SMU1: variants seen among roughly 807,000 people sequenced by gnomAD.
SMU1 encodes WD40 repeat-containing protein SMU1.
SMU1 carries 2 observed loss-of-function variants against 62.0 expected under a neutral mutation model. The ratio of observed to expected loss-of-function variants is 0.03; its 90% CI spans 0.01 to 0.10. The LOEUF (loss-of-function observed/expected upper bound fraction) is 0.10. SMU1 is among the 10% of genes least tolerant of loss of function. The pLI is 1.00. For synonymous variants in SMU1, 188 were observed against 212.4 expected (o/e 0.89, Z 1.00); for missense variants, 227 against 622.1 (o/e 0.36, Z 6.76).
chr9:33,061,540 G>A (rs1839361132), intron 5 of SMU1, among the ~76,000 whole-genome samples: 1 of 151,840 alleles, frequency 6.6e-6, no homozygotes, highest in South Asian at 2.1e-4. Flanking sequence ...GAATTACCTA[G>A]AACACTTTTT....
chr9:33,070,950 A>G (rs923978897), intron 3 of SMU1, among the ~76,000 whole-genome samples: 2 of 152,202 alleles, frequency 1.3e-5, no homozygotes, highest in Non-Finnish European at 2.9e-5. Context: ...AATAAGAAAT[A>G]GTATTTGATA....
intron 4 of SMU1, among the ~76,000 whole-genome samples, chr9:33,064,940 G>C (rs1028831060): frequency 6.6e-6 from 1 of 151,906 alleles, no homozygotes. Context: ...ACAAGGTTTC[G>C]CCACGTTGGC....
Position 33,053,309 on chromosome 9 carries a change from A to C in SMU1, c.1123-19T>G. The C allele has an allele frequency of 6.2e-7, 1 of 1,609,052 alleles. No homozygotes were observed. Among genetic ancestry groups the C allele is most frequent in the South Asian group, 1.1e-5 (1 of 90,200 alleles). On this transcript the variant is annotated intron_variant, in intron 9 of 11. Coordinates refer to ENST00000397149, the MANE Select transcript of SMU1 (RefSeq NM_018225.3). ...TCCAGATCTACCACACAGAAATTTA[A>C]GTTATAAACCTTTTTTAGGTATAAA...
intron 10 of SMU1, among the ~76,000 whole-genome samples, chr9:33,049,494 T>G (rs1406254655): frequency 6.6e-6 from 1 of 152,184 alleles, no homozygotes; most frequent in Admixed American, 6.5e-5. Context: ...TATTTAAAAC[T>G]CTTAGAGGAT....
At chr9:33,053,927 T>C (rs1216330978) in intron 9 of SMU1, among the ~76,000 whole-genome samples, 1 of 152,228 alleles carries the variant, frequency 6.6e-6, no homozygotes, top group Non-Finnish European at 1.5e-5. Flanking sequence ...TCTTTAAAAT[T>C]AGTTGTTTGT....
chr9:33,046,586 A>G lies in SMU1; in HGVS notation c.*707T>C, dbSNP rs968451149. 1 of 70,886 alleles carries G rather than the reference A, an allele frequency of 1.4e-5. No individual in the cohort carries two copies. Among genetic ancestry groups the G allele is most frequent in the African/African-American group, 4.3e-5 (1 of 23,012 alleles). 4.4% of individuals were successfully genotyped at this position (70,886 alleles called of 1,614,324 possible). A position where few individuals can be genotyped will look rare whatever the true frequency, so the allele number is the denominator to read the frequency against. On this transcript the variant is annotated 3_prime_UTR_variant, in exon 12 of 12. Transcript: ENST00000397149. ...GTATAAAGTTTATTAACATCTTTAA[A>G]AAAAAAAAAAAAAAAAAAGATGGGC... is the stretch of plus-strand genomic sequence containing the variant.
intron 4 of SMU1, among the ~76,000 whole-genome samples, chr9:33,064,945 G>A (rs994706739): frequency 3.3e-5 from 5 of 152,056 alleles, no homozygotes; most frequent in African/African-American, 7.2e-5. Flanking sequence ...GTTTCGCCAC[G>A]TTGGCCAGGC....
intron 9 of SMU1, among the ~76,000 whole-genome samples, chr9:33,054,107 C>T (rs1048254612): frequency 2.0e-5 from 3 of 151,934 alleles, no homozygotes; most frequent in Admixed American, 6.5e-5. Context: ...CAATATAGTG[C>T]GATCTTGTCT....
intron 3 of SMU1, among the ~76,000 whole-genome samples, chr9:33,069,182 ACT>A (rs1380758138): frequency 6.6e-6 from 1 of 152,146 alleles, no homozygotes; most frequent in Non-Finnish European, 1.5e-5. Context: ...TTATTTTTTC[ACT>A]GAGTTCCTGG....
intron 4 of SMU1, among the ~76,000 whole-genome samples, chr9:33,065,848 T>C (rs1012330021): frequency 1.3e-5 from 2 of 152,168 alleles, no homozygotes; most frequent in African/African-American, 2.4e-5. Context: ...AAAATCTCAG[T>C]AGAGCTGAGG....
In SMU1 at chr9:33,047,167, T is replaced by C. The variant is rs1478473731; in HGVS notation, c.*126A>G. On this transcript the variant is annotated 3_prime_UTR_variant, in exon 12 of 12. Transcript: ENST00000397149. Reference sequence around the variant, plus strand: ...ACTTAAACATGAATTTTCACAAAATTATTCTGTGACTAATTCAGACAATCT... The same window carrying C: ...ACTTAAACATGAATTTTCACAAAATCATTCTGTGACTAATTCAGACAATCT... The C allele has an allele frequency of 1.7e-6, 1 of 601,600 alleles. No individual in the cohort carries two copies. The highest frequency in any genetic ancestry group is 3.0e-5 in the East Asian group (1 of 33,622). The allele number at this position is 601,600 out of a possible 1,614,324, so 37.3% of individuals were successfully genotyped here. A position where few individuals can be genotyped will look rare whatever the true frequency, so the allele number is the denominator to read the frequency against.
intron 9 of SMU1, 130 bp from the exon 10 acceptor site, chr9:33,053,420 A>G: frequency 3.3e-6 from 3 of 920,114 alleles, no homozygotes; most frequent in African/African-American, 1.7e-5. Context: ...TTCTTACTTG[A>G]TTTTAGGTCC....
rs1839194597 is a variant in SMU1, at chr9:33,047,151, T to C, written c.*142A>G. 8.7e-6 allele frequency: 5 copies of C among 575,232 alleles called. No homozygotes were observed. The South Asian group carries it at 9.9e-5, about 11-fold the overall frequency. The allele number at this position is 575,232 out of a possible 1,614,324, so 35.6% of individuals were successfully genotyped here. A position where few individuals can be genotyped will look rare whatever the true frequency, so the allele number is the denominator to read the frequency against. ...AGAAAGGGTAGTTGCTACTTAAACA[T>C]GAATTTTCACAAAATTATTCTGTGA... On this transcript the variant is annotated 3_prime_UTR_variant, in exon 12 of 12. Coordinates refer to ENST00000397149, the MANE Select transcript of SMU1 (RefSeq NM_018225.3).
intron 4 of SMU1, among the ~76,000 whole-genome samples, chr9:33,064,977 G>A (rs1839404318): frequency 6.6e-6 from 1 of 151,992 alleles, no homozygotes. Flanking sequence ...TCCTGACCTC[G>A]GTTGATCCAC....
chr9:33,058,609 G>C (rs569082916), intron 6 of SMU1, among the ~76,000 whole-genome samples: 3 of 152,050 alleles, frequency 2.0e-5, no homozygotes, highest in African/African-American at 4.8e-5. Flanking sequence ...GAGCCACTGC[G>C]CCCAGTAAAA....
At chr9:33,068,704 A>G in intron 4 of SMU1, 120 bp downstream of exon 4, 1 of 1,138,928 alleles carries the variant, frequency 8.8e-7, no homozygotes, top group Non-Finnish European at 1.2e-6. Flanking sequence ...AGAGTCTCAC[A>G]ATGTTGCTTA....
At position 33,042,019 on chromosome 9, in the gene SMU1, C is replaced by T. The variant is rs7874099; in HGVS notation, c.*5274G>A. Reference sequence around the variant, plus strand: ...CATTTTGGAAATACAATAGTGGTTGCGTAACATCGTAAATAATGCCACTGA... The same window carrying T: ...CATTTTGGAAATACAATAGTGGTTGTGTAACATCGTAAATAATGCCACTGA... On this transcript the variant is annotated 3_prime_UTR_variant, in exon 12 of 12. Coordinates refer to ENST00000397149, the MANE Select transcript of SMU1 (RefSeq NM_018225.3). The T allele has an allele frequency of 1.9e-4, 29 of 152,292 alleles. No individual in the cohort carries two copies. The highest frequency in any genetic ancestry group is 1.1e-3 in the Admixed American group (17 of 15,294). The allele number at this position is 152,292 out of a possible 1,614,324, so 9.4% of individuals were successfully genotyped here. A position where few individuals can be genotyped will look rare whatever the true frequency, so the allele number is the denominator to read the frequency against.
rs1430842709 is a variant in SMU1, at chr9:33,051,054, G to A, written c.1290+2069C>T. Among the ~76,000 whole-genome samples the A allele has an allele frequency of 1.9e-4, 19 of 98,638 alleles. 1 individual carries two copies. The East Asian group carries it at 2.3e-3, about 12-fold the overall frequency. 64.7% of individuals were successfully genotyped at this position (98,638 alleles called of 152,430 possible). A position where few individuals can be genotyped will look rare whatever the true frequency, so the allele number is the denominator to read the frequency against. On this transcript the variant is annotated intron_variant, in intron 10 of 11. Coordinates refer to ENST00000397149, the MANE Select transcript of SMU1 (RefSeq NM_018225.3). ...GAGAATGGCGTGAACCCAGGAGGCGGAGCTTGCAGTGAGCCGAGATCGCGC... is the reference window on the plus strand; with the variant it reads ...GAGAATGGCGTGAACCCAGGAGGCGAAGCTTGCAGTGAGCCGAGATCGCGC...
intron 3 of SMU1, 61 bp from the exon 4 acceptor site, chr9:33,068,995 T>G: frequency 6.4e-7 from 1 of 1,567,962 alleles, no homozygotes; most frequent in Non-Finnish European, 8.7e-7. Flanking sequence ...TGAGTGTGCT[T>G]ATTTAAAACA....
Sources: allele counts gnomAD v4.1 joint callset (sites outside exome capture counted in the v4.1 genomes callset), GRCh38; gene constraint gnomAD v4.1.1; transcripts MANE v1.5; gene names NCBI Gene and HGNC (gene_info 2026-07-23, HGNC 2026-07-21).